Variants in MANSC1 observed in about 807,000 individuals in gnomAD.
MANSC1 encodes MANSC domain-containing protein 1.
A neutral mutation model predicts 14.1 loss-of-function variants in MANSC1; 13 were observed. The ratio of observed to expected loss-of-function variants is 0.92; its 90% CI spans 0.60 to 1.46. The LOEUF is 1.46. Among genes scored for constraint, MANSC1 ranks in the 40% most tolerant of loss-of-function variants. The pLI is 0.00. For synonymous variants in MANSC1, 227 were observed against 200.7 expected, an observed-to-expected ratio of 1.13 and a Z score of -1.11; for missense variants, 486 against 511.4, an observed-to-expected ratio of 0.95 and a Z score of 0.48.
In MANSC1 at chr12:12,343,252, T is replaced by C. The variant is rs1305836195; in HGVS notation, c.63A>G (p.Leu21=). ...YTLVIICFLT[L]RLSASQNCLK... is the part of the protein sequence containing the mutation. Reference sequence around the variant, plus strand: ...GGCAATTCTGACTAGCAGACAGCCTTAGTGTCAGGAAGCAAATTATTACCA... The same window carrying C: ...GGCAATTCTGACTAGCAGACAGCCTCAGTGTCAGGAAGCAAATTATTACCA... Residue 21 remains leucine (L), a synonymous_variant, in exon 2 of 4, where the codon CTA becomes CTG. Coordinates refer to ENST00000535902, the MANE Select transcript of MANSC1 (RefSeq NM_018050.4). 12 of 1,614,128 alleles carry C rather than the reference T, an allele frequency of 7.4e-6. No individual in the cohort carries two copies. The highest frequency in any genetic ancestry group is 1.0e-5 in the Non-Finnish European group (12 of 1,179,990).
intron 2 of MANSC1, among the ~76,000 whole-genome samples, chr12:12,342,319 A>G (rs1202347379): frequency 6.6e-6 from 1 of 152,258 alleles, no homozygotes; most frequent in Non-Finnish European, 1.5e-5. Flanking sequence ...GGCAACTAAC[A>G]AAGTGTTAAG....
chr12:12,340,533 A>G (rs1036599711), intron 2 of MANSC1, among the ~76,000 whole-genome samples: 6 of 152,178 alleles, frequency 3.9e-5, no homozygotes, highest in African/African-American at 1.4e-4. Flanking sequence ...TATGCAAGAT[A>G]TTGTGCCCAT....
Position 12,343,096 on chromosome 12 carries a change from T to C in MANSC1, c.219A>G (p.Ile73Met). The change falls in exon 2 of 4, where the codon ATA becomes ATG. Residue 73 changes from isoleucine to methionine, a missense_variant. Ile to Met is a conservative substitution (Grantham distance 10). Coordinates refer to ENST00000535902, the MANE Select transcript of MANSC1 (RefSeq NM_018050.4). ...CINSCCSTKNISGDKACNLMI... is the reference protein window; with the variant it reads ...CINSCCSTKNMSGDKACNLMI... ...TGCCAAGAAACCACTATTTACCTGA[T>C]ATGTTTTTTGTTGAACAGCAAGAAT... 2 of 1,609,770 alleles carry C rather than the reference T, an allele frequency of 1.2e-6. No individual in the cohort carries two copies. Among genetic ancestry groups the C allele is most frequent in the Non-Finnish European group, 1.7e-6 (2 of 1,176,126 alleles).
intron 3 of MANSC1, among the ~76,000 whole-genome samples, chr12:12,334,227 C>A (rs71457144): frequency 0.042 from 6,366 of 150,868 alleles, 182 homozygotes; most frequent in Non-Finnish European, 0.059. Flanking sequence ...TGCAGTGAGC[C>A]ATGATCGCGC....
intron 1 of MANSC1, among the ~76,000 whole-genome samples, chr12:12,347,760 G>A (rs1251547607): frequency 2.6e-5 from 4 of 152,158 alleles, no homozygotes; most frequent in African/African-American, 9.7e-5. Flanking sequence ...CAAGGACATG[G>A]AGCAACAGAA....
chr12:12,349,246 A>C (rs1445458063), intron 1 of MANSC1, among the ~76,000 whole-genome samples: 1 of 152,216 alleles, frequency 6.6e-6, no homozygotes, highest in Non-Finnish European at 1.5e-5. Flanking sequence ...AATTCTGGCC[A>C]AGGTACTTAA....
In MANSC1 at chr12:12,330,086, G is replaced by A. The variant is rs529937495; in HGVS notation, c.1237C>T (p.Arg413Cys). ...TCCAGTCTTGAGTAACGTTTCCTGCGGAGTGATTCCGAGAGGATTCTACCC... is the reference window on the plus strand; with the variant it reads ...TCCAGTCTTGAGTAACGTTTCCTGCAGAGTGATTCCGAGAGGATTCTACCC... Reference protein sequence around the residue: ...LLGRILSESLRRKRYSRLDYL... With the variant: ...LLGRILSESLCRKRYSRLDYL... The change falls in exon 4 of 4, where the codon CGC becomes TGC. Residue 413 changes from arginine to cysteine, a missense_variant. By Grantham distance (180) the Arg-to-Cys change is radical. Transcript: ENST00000535902. The A allele has an allele frequency of 3.7e-5, 60 of 1,614,126 alleles. No individual in the cohort carries two copies. The highest frequency in any genetic ancestry group is 1.8e-4 in the East Asian group (8 of 44,886).
chr12:12,349,593 G>A (rs185237499), intron 1 of MANSC1, among the ~76,000 whole-genome samples: 58 of 152,260 alleles, frequency 3.8e-4, no homozygotes, highest in African/African-American at 1.3e-3. Context: ...TTTAACGTCT[G>A]CATACAAGAG....
chr12:12,335,501 C>T (rs961043899), intron 3 of MANSC1, among the ~76,000 whole-genome samples: 13 of 151,466 alleles, frequency 8.6e-5, no homozygotes, highest in Admixed American at 2.0e-4. Flanking sequence ...CCAGCACACC[C>T]GGCTAATTTT....
Position 12,326,855 on chromosome 12 carries a change from G to A in MANSC1, c.*3172C>T, listed in dbSNP as rs553164081. On this transcript the variant is annotated 3_prime_UTR_variant, in exon 4 of 4. Coordinates refer to ENST00000535902, the MANE Select transcript of MANSC1 (RefSeq NM_018050.4). ...AGATAGAGTCTTGCTCTGTCGCCTA[G>A]GCTGGAGTGCAATGGAGCGATCTTG... is the stretch of plus-strand genomic sequence containing the variant. 1 of 151,986 alleles carries A rather than the reference G, an allele frequency of 6.6e-6. No homozygotes were observed. The highest frequency in any genetic ancestry group is 2.4e-5 in the African/African-American group (1 of 41,324). The allele number at this position is 151,986 out of a possible 1,614,324, so 9.4% of individuals were successfully genotyped here.
intron 3 of MANSC1, among the ~76,000 whole-genome samples, chr12:12,337,609 C>A (rs1862875887): frequency 6.6e-6 from 1 of 152,136 alleles, no homozygotes; most frequent in Non-Finnish European, 1.5e-5. Flanking sequence ...CCACTAAATT[C>A]TGTAATTCTG....
At chr12:12,333,722 G>A (rs1862822454) in intron 3 of MANSC1, among the ~76,000 whole-genome samples, 1 of 152,200 alleles carries the variant, frequency 6.6e-6, no homozygotes, top group Non-Finnish European at 1.5e-5. Context: ...ACTTCACTGA[G>A]TTGAAAAATG....
chr12:12,334,593 A>G (rs920716283), intron 3 of MANSC1, among the ~76,000 whole-genome samples: 2 of 152,194 alleles, frequency 1.3e-5, no homozygotes, highest in African/African-American at 2.4e-5. Flanking sequence ...GGCTGCCACA[A>G]GAACAGTTTA....
In MANSC1 at chr12:12,343,396, C is replaced by T. The variant is rs1862964709; in HGVS notation, c.-82G>A. 5 of 885,406 alleles carry T rather than the reference C, an allele frequency of 5.6e-6. No homozygotes were observed. Among genetic ancestry groups the T allele is most frequent in the South Asian group, 4.7e-5 (3 of 63,798 alleles). The allele number at this position is 885,406 out of a possible 1,614,324, so 54.8% of individuals were successfully genotyped here. A position where few individuals can be genotyped will look rare whatever the true frequency, so the allele number is the denominator to read the frequency against. On this transcript the variant is annotated 5_prime_UTR_variant, in exon 2 of 4. It adds an upstream start codon to the 5' untranslated region. Transcript: ENST00000535902. ...CTTAGTTTGCTTTAAGAAGGCTGCA[C>T]AGATGATGAGATTTCTCTCTAGAAC...
chr12:12,330,472 G>C lies in MANSC1; in HGVS notation c.851C>G (p.Ser284Cys). 6.2e-7 allele frequency: 1 copy of C among 1,614,062 alleles called. No homozygotes were observed. Among genetic ancestry groups the C allele is most frequent in the Non-Finnish European group, 8.5e-7 (1 of 1,179,906 alleles). The change falls in exon 4 of 4, where the codon TCT becomes TGT. Residue 284 changes from serine (S) to cysteine (C), a missense_variant. Coordinates refer to ENST00000535902, the MANE Select transcript of MANSC1 (RefSeq NM_018050.4). ...VTSQPPTTLI[S>C]TVFTRAAATL... ...AGCCGCAGCCCGTGTAAAAACTGTA[G>C]AAATGAGGGTCGTGGGAGGCTGAGA...
In MANSC1 at chr12:12,344,709, C is replaced by T. The variant is rs530579313; in HGVS notation, c.-100-1295G>A. Among the ~76,000 whole-genome samples, 64 of 149,560 alleles carry T rather than the reference C, an allele frequency of 4.3e-4. No homozygotes were observed. In the South Asian group the frequency reaches 8.3e-3, roughly 19 times the overall value. On this transcript the variant is annotated intron_variant, in intron 1 of 3. Coordinates refer to ENST00000535902, the MANE Select transcript of MANSC1 (RefSeq NM_018050.4). ...TGATCTCGATCTCCTGACCATGATC[C>T]GCCTGCCTCGGCCTCCCAAAGTGCT... is the stretch of plus-strand genomic sequence containing the variant.
intron 1 of MANSC1, among the ~76,000 whole-genome samples, chr12:12,344,099 C>T (rs1484583447): frequency 6.6e-6 from 1 of 151,704 alleles, no homozygotes; most frequent in Non-Finnish European, 1.5e-5. Flanking sequence ...GGTGACAAAG[C>T]GAGACCATGT....
chr12:12,344,407 G>A (rs1862976539), intron 1 of MANSC1, among the ~76,000 whole-genome samples: 1 of 151,972 alleles, frequency 6.6e-6, no homozygotes, highest in South Asian at 2.1e-4. Flanking sequence ...TCTGCTGCCA[G>A]TGCAGTTAGA....
intron 1 of MANSC1, among the ~76,000 whole-genome samples, chr12:12,347,324 C>T (rs1054098613): frequency 4.2e-4 from 64 of 152,254 alleles, no homozygotes; most frequent in African/African-American, 1.5e-3. Flanking sequence ...CTCACATGTG[C>T]AGTTCACAAC....
Sources: gnomAD v4.1 joint callset for allele counts (sites outside exome capture counted in the v4.1 genomes callset) on GRCh38, gnomAD v4.1.1 for gene constraint, MANE v1.5 for transcripts, NCBI Gene and HGNC (gene_info 2026-07-23, HGNC 2026-07-21) for gene names.